The following CAPRIN1 variants were observed in gnomAD, a reference collection of about 807,000 sequenced individuals.
CAPRIN1 encodes cell cycle associated protein 1.
In CAPRIN1, 29 loss-of-function variants were observed where a neutral mutation model predicts 100.9. The observed-to-expected ratio is 0.29, with a 90% CI of 0.21 to 0.39. The LOEUF is 0.39. CAPRIN1 is among the 10% of genes least tolerant of loss of function. The pLI is 1.00. For synonymous variants in CAPRIN1, 338 were observed against 307.5 expected, an observed-to-expected ratio of 1.10 and a Z score of -1.04; for missense variants, 795 against 876.7, an observed-to-expected ratio of 0.91 and a Z score of 1.18.
intron 2 of CAPRIN1, among the ~76,000 whole-genome samples, chr11:34,055,215 G>A (rs1388021692): frequency 6.6e-6 from 1 of 151,862 alleles, no homozygotes; most frequent in Non-Finnish European, 1.5e-5. Context: ...CCAGGCTGGA[G>A]TGCGGTAGGA....
intron 2 of CAPRIN1, among the ~76,000 whole-genome samples, chr11:34,066,922 A>G (rs1372690315): frequency 7.0e-6 from 1 of 141,950 alleles, no homozygotes; most frequent in Non-Finnish European, 1.5e-5. Flanking sequence ...GTGAGCCATC[A>G]CACCCAGCAT....
In CAPRIN1 at chr11:34,090,214, A is replaced by G; in HGVS notation, c.1329A>G (p.Thr443=). Reference sequence around the variant, plus strand: ...TATCATCCACAAGTGAGGGGTACACAGCATCTCAACCCTTGTACCAGCCTT... The same window carrying G: ...TATCATCCACAAGTGAGGGGTACACGGCATCTCAACCCTTGTACCAGCCTT... ...PLVSSTSEGY[T]ASQPLYQPSH... The change falls in exon 13 of 19, where the codon ACA becomes ACG. Residue 443 remains threonine, a synonymous_variant. Transcript: ENST00000341394. 6.2e-7 allele frequency: 1 copy of G among 1,613,682 alleles called. No individual in the cohort carries two copies. Among genetic ancestry groups the G allele is most frequent in the Non-Finnish European group, 8.5e-7 (1 of 1,179,616 alleles).
chr11:34,073,573 G>A (rs1042023790), intron 4 of CAPRIN1, among the ~76,000 whole-genome samples: 2 of 151,996 alleles, frequency 1.3e-5, no homozygotes, highest in Admixed American at 6.6e-5. Flanking sequence ...ACAGACCTGC[G>A]CCACCATGCC....
In CAPRIN1 at chr11:34,102,555, A is replaced by C. The variant is rs983939435; in HGVS notation, c.*3188A>C. 6.6e-6 allele frequency among the ~76,000 whole-genome samples: 1 copy of C among 152,204 alleles called. No homozygotes were observed. The highest frequency in any genetic ancestry group is 2.4e-5 in the African/African-American group (1 of 41,438). ...TTTCCATTTTGAATCCTACAAAAAT[A>C]CTGCAAAAGACTAGTGAATGTTTAA... On this transcript the variant is annotated 3_prime_UTR_variant, in exon 19 of 19. Transcript: ENST00000341394.
Position 34,083,030 on chromosome 11 carries a change from G to A in CAPRIN1, c.955G>A (p.Glu319Lys). The A allele has an allele frequency of 5.6e-6, 9 of 1,612,866 alleles. No individual in the cohort carries two copies. The highest frequency in any genetic ancestry group is 7.6e-6 in the Non-Finnish European group (9 of 1,178,932). The change falls in exon 9 of 19, where the codon GAA (glutamate) becomes AAA (lysine). Residue 319 changes from glutamate (E) to lysine (K), a missense_variant. Glu to Lys is a moderately conservative substitution (Grantham distance 56). Coordinates refer to ENST00000341394, the MANE Select transcript of CAPRIN1 (RefSeq NM_005898.5). Reference sequence around the variant, plus strand: ...GGAGCAGGTAGATGAGTGGACAGTTGAAACGGTTGAGGTAAGAGTTCTCTG... The same window carrying A: ...GGAGCAGGTAGATGAGTGGACAGTTAAAACGGTTGAGGTAAGAGTTCTCTG... ...EKEQVDEWTV[E>K]TVEVVNSLQQ...
intron 2 of CAPRIN1, among the ~76,000 whole-genome samples, chr11:34,059,161 C>G (rs1850520499): frequency 6.6e-6 from 1 of 152,080 alleles, no homozygotes; most frequent in Non-Finnish European, 1.5e-5. Flanking sequence ...GTTCAAAATT[C>G]AAACTTCCTG....
intron 7 of CAPRIN1, among the ~76,000 whole-genome samples, chr11:34,080,305 A>G (rs1292758873): frequency 1.3e-5 from 2 of 152,266 alleles, no homozygotes; most frequent in East Asian, 3.9e-4. Flanking sequence ...TTGTCTTACT[A>G]GTCTTGATCA....
intron 2 of CAPRIN1, among the ~76,000 whole-genome samples, chr11:34,055,256 C>T (rs151194414): frequency 7.4e-4 from 113 of 151,828 alleles, no homozygotes; most frequent in African/African-American, 2.1e-3. Flanking sequence ...CTCCACCTCC[C>T]GGGTTCAAGT....
In CAPRIN1 at chr11:34,052,372, G is replaced by C. The variant is rs767745436; in HGVS notation, c.1-49G>C. 4 of 1,480,984 alleles carry C rather than the reference G, an allele frequency of 2.7e-6. No individual in the cohort carries two copies. The African/African-American group carries it at 5.6e-5, about 21-fold the overall frequency. The allele number at this position is 1,480,984 out of a possible 1,614,324, so 91.7% of individuals were successfully genotyped here. Reference sequence around the variant, plus strand: ...CGCCCCGTCCGTCTCCTGACTGGCCGCTCTTGTCCTTCCTCCCGCTTTTTC... The same window carrying C: ...CGCCCCGTCCGTCTCCTGACTGGCCCCTCTTGTCCTTCCTCCCGCTTTTTC... On this transcript the variant is annotated intron_variant, in intron 1 of 18. Coordinates refer to ENST00000341394, the MANE Select transcript of CAPRIN1 (RefSeq NM_005898.5).
At chr11:34,066,018 G>A (rs1850683730) in intron 2 of CAPRIN1, among the ~76,000 whole-genome samples, 1 of 152,136 alleles carries the variant, frequency 6.6e-6, no homozygotes, top group South Asian at 2.1e-4. Flanking sequence ...CTCTTGGTCA[G>A]GCTGGAGTGT....
intron 17 of CAPRIN1, 87 bp from the exon 18 acceptor site, chr11:34,097,611 T>A: frequency 1.4e-6 from 2 of 1,454,306 alleles, no homozygotes; most frequent in South Asian, 2.3e-5. Context: ...TAAGGAAGAA[T>A]TCTGTATTGA....
intron 2 of CAPRIN1, among the ~76,000 whole-genome samples, chr11:34,058,472 G>C (rs904194014): frequency 6.6e-6 from 1 of 152,220 alleles, no homozygotes; most frequent in Non-Finnish European, 1.5e-5. Context: ...ATTAGAATTT[G>C]TAATGTTCCA....
chr11:34,098,953 A>G, intron 18 of CAPRIN1: 1 of 1,114,424 alleles, frequency 9.0e-7, no homozygotes. Flanking sequence ...TGTAAGCTCC[A>G]TGAGAGCAGG....
rs11710 is a variant in CAPRIN1, at chr11:34,097,200, A to G, written c.1905A>G (p.Gly635=). The change falls in exon 17 of 19, where the codon GGA becomes GGG. Residue 635 remains glycine, a synonymous_variant. Coordinates refer to ENST00000341394, the MANE Select transcript of CAPRIN1 (RefSeq NM_005898.5). ...TTTTCTTGTCCTAAATTTTAGGAGG[A>G]TATGATGGTTACCGCCCTTCATTCT... is the stretch of plus-strand genomic sequence containing the variant. The part of the protein sequence containing the change: ...YRGPANGFRG[G]YDGYRPSFSN... 2 of 1,606,606 alleles carry G rather than the reference A, an allele frequency of 1.2e-6. No individual in the cohort carries two copies. Among genetic ancestry groups the G allele is most frequent in the East Asian group, 4.5e-5 (2 of 44,844 alleles).
intron 17 of CAPRIN1, 141 bp downstream of exon 17, chr11:34,097,437 T>G: frequency 1.3e-6 from 1 of 765,618 alleles, no homozygotes; most frequent in East Asian, 2.7e-5. Context: ...ACAAAAGCTT[T>G]TAGCACTCAA....
At chr11:34,097,561 G>T (rs886879551) in intron 17 of CAPRIN1, 137 bp from the exon 18 acceptor site, 13 of 868,480 alleles carry the variant, frequency 1.5e-5, no homozygotes, top group Non-Finnish European at 2.4e-5. Flanking sequence ...ACAGAACAAG[G>T]TGTAGCTGTG....
At position 34,089,472 on chromosome 11, in the gene CAPRIN1, CTA is replaced by C. The variant is rs1851222529; in HGVS notation, c.1293+18_1293+19del. 6.5e-7 allele frequency: 1 copy of C among 1,528,670 alleles called. No individual in the cohort carries two copies. The highest frequency in any genetic ancestry group is 1.1e-5 in the South Asian group (1 of 88,700). The allele number at this position is 1,528,670 out of a possible 1,614,324, so 94.7% of individuals were successfully genotyped here. On this transcript the variant is annotated intron_variant, in intron 12 of 18. Transcript: ENST00000341394. Reference sequence around the variant, plus strand: ...AGCGACACAGGTAAGAGTGATAAAACTATTTTCTTCAGGGCCAGGTTAGGTGG... The same window carrying C: ...AGCGACACAGGTAAGAGTGATAAAACTTTTCTTCAGGGCCAGGTTAGGTGG...
intron 2 of CAPRIN1, chr11:34,053,086 C>T (rs1430527587): frequency 8.8e-6 from 9 of 1,024,668 alleles, no homozygotes; most frequent in Non-Finnish European, 1.1e-5. Flanking sequence ...CGGCCTGCGT[C>T]CTGCAGCCTT....
chr11:34,065,832 T>C (rs1352384812), intron 2 of CAPRIN1, among the ~76,000 whole-genome samples: 1 of 152,240 alleles, frequency 6.6e-6, no homozygotes, highest in Non-Finnish European at 1.5e-5. Flanking sequence ...TTGATCAGAC[T>C]TAGGATCCTG....
Sources: allele counts gnomAD v4.1 joint callset (sites outside exome capture counted in the v4.1 genomes callset), GRCh38; gene constraint gnomAD v4.1.1; transcripts MANE v1.5; gene names NCBI Gene and HGNC (gene_info 2026-07-23, HGNC 2026-07-21).